The following TNFAIP8L1 variants were observed in gnomAD, a reference collection of about 807,000 sequenced individuals.
TNFAIP8L1 encodes tumor necrosis factor alpha-induced protein 8-like protein 1.
For missense variants in TNFAIP8L1, 225 were observed against 266.1 expected (o/e 0.85, Z 1.08); for synonymous variants, 127 against 125.6 (o/e 1.01, Z -0.08).
chr19:4,643,325 G>C (rs1398629415), intron 1 of TNFAIP8L1, among the ~76,000 whole-genome samples: 1 of 151,998 alleles, frequency 6.6e-6, no homozygotes, highest in Non-Finnish European at 1.5e-5. Flanking sequence ...TTAGGGGCTG[G>C]ATGCACCTCC....
At position 4,654,666 on chromosome 19, in the gene TNFAIP8L1, T is replaced by C. The variant is rs773060112; in HGVS notation, c.*2236T>C. On this transcript the variant is annotated 3_prime_UTR_variant, in exon 2 of 2. Coordinates refer to ENST00000327473, the MANE Select transcript of TNFAIP8L1 (RefSeq NM_152362.3). Reference sequence around the variant, plus strand: ...GAATCAGCAACCAACCAGCCAACCATGTTGCTTTTATAAGACAGAGCTGAG... The same window carrying C: ...GAATCAGCAACCAACCAGCCAACCACGTTGCTTTTATAAGACAGAGCTGAG... The C allele has an allele frequency of 3.9e-5, 6 of 152,174 alleles. No individual in the cohort carries two copies. The highest frequency in any genetic ancestry group is 7.3e-5 in the Non-Finnish European group (5 of 68,032). 9.4% of individuals were successfully genotyped at this position (152,174 alleles called of 1,614,324 possible). A position where few individuals can be genotyped will look rare whatever the true frequency, so the allele number is the denominator to read the frequency against.
rs1380814446 is a variant in TNFAIP8L1, at chr19:4,654,785, CTA to C, written c.*2357_*2358del. Reference sequence around the variant, plus strand: ...GCGTGGAGGCGTGGTGTGGGGGAGTCTATTTGCCATTTTTGTTTGTCAGCAGG... The same window carrying C: ...GCGTGGAGGCGTGGTGTGGGGGAGTCTTTGCCATTTTTGTTTGTCAGCAGG... On this transcript the variant is annotated 3_prime_UTR_variant, in exon 2 of 2. Transcript: ENST00000327473. 6.6e-6 allele frequency: 1 copy of C among 152,122 alleles called. No individual in the cohort carries two copies. The highest frequency in any genetic ancestry group is 1.5e-5 in the Non-Finnish European group (1 of 68,032). The allele number at this position is 152,122 out of a possible 1,614,324, so 9.4% of individuals were successfully genotyped here.
Position 4,645,127 on chromosome 19 carries a change from CAG to C in TNFAIP8L1, c.-4+5499_-4+5500del, listed in dbSNP as rs200101492. Among the ~76,000 whole-genome samples the C allele has an allele frequency of 5.9e-3, 898 of 152,316 alleles. 8 individuals carry two copies. The highest frequency in any genetic ancestry group is 0.021 in the African/African-American group (860 of 41,574). On this transcript the variant is annotated intron_variant, in intron 1 of 1. Transcript: ENST00000327473. This position sits in a 1 kb window ranked among gnomAD's most constrained non-coding sequence, Gnocchi z 4.1. ...TGAGGTGCATGAAGAATTCATGGGA[CAG>C]GGGTGGGGACGGCAGGGACTTGTGA... is the stretch of plus-strand genomic sequence containing the variant.
chr19:4,642,929 G>A (rs1176687832), intron 1 of TNFAIP8L1, among the ~76,000 whole-genome samples: 2 of 152,094 alleles, frequency 1.3e-5, no homozygotes, highest in East Asian at 3.8e-4. Flanking sequence ...GGGGGGCATG[G>A]GGATAGATGG....
chr19:4,647,795 A>C (rs1210441389), intron 1 of TNFAIP8L1, among the ~76,000 whole-genome samples: 1 of 151,458 alleles, frequency 6.6e-6, no homozygotes, highest in East Asian at 1.9e-4. Context: ...GCTAATTAAA[A>C]AAAATTTTTT....
At position 4,655,356 on chromosome 19, in the gene TNFAIP8L1, A is replaced by G. The variant is rs987866709; in HGVS notation, c.*2926A>G. On this transcript the variant is annotated 3_prime_UTR_variant, in exon 2 of 2. Transcript: ENST00000327473. ...AACCTTCTCCACTTATCTTAGGCCG[A>G]GAGACAGCTCTTCAAGAACGTACAT... The G allele has an allele frequency of 6.6e-6, 1 of 152,258 alleles. No homozygotes were observed. Among genetic ancestry groups the G allele is most frequent in the African/African-American group, 2.4e-5 (1 of 41,470 alleles). 9.4% of individuals were successfully genotyped at this position (152,258 alleles called of 1,614,324 possible).
intron 1 of TNFAIP8L1, among the ~76,000 whole-genome samples, chr19:4,646,685 C>T (rs975800137): frequency 6.6e-6 from 1 of 151,284 alleles, no homozygotes; most frequent in African/African-American, 2.4e-5. Context: ...GGCTGGAGTA[C>T]AGTGACGTGA....
At chr19:4,649,041 T>C (rs1221115993) in intron 1 of TNFAIP8L1, among the ~76,000 whole-genome samples, 1 of 151,326 alleles carries the variant, frequency 6.6e-6, no homozygotes, top group African/African-American at 2.4e-5. Context: ...GCGATTCTCC[T>C]GTCTCAGCCC....
intron 1 of TNFAIP8L1, among the ~76,000 whole-genome samples, chr19:4,647,472 C>A (rs1314033694): frequency 3.3e-5 from 5 of 151,996 alleles, no homozygotes; most frequent in Admixed American, 6.6e-5. Flanking sequence ...CCATGCCCAG[C>A]TAATTTTTTT....
chr19:4,651,980 G>T lies in TNFAIP8L1; in HGVS notation c.111G>T (p.Glu37Asp), dbSNP rs141452662. 1.2e-6 allele frequency: 2 copies of T among 1,614,030 alleles called. No individual in the cohort carries two copies. Among genetic ancestry groups the T allele is most frequent in the Non-Finnish European group, 1.7e-6 (2 of 1,180,030 alleles). Residue 37 changes from glutamate (E) to aspartate (D), a missense_variant, in exon 2 of 2, where the codon GAG (glutamate) becomes GAT (aspartate). Glu to Asp is a conservative substitution (Grantham distance 45). Transcript: ENST00000327473. ...TGCTGGTGGATGACACCAGCAGTGA[G>T]GTGCTGGATGAGCTGTACCGCGCCA... ...VAVLVDDTSS[E>D]VLDELYRATR...
chr19:4,648,043 C>T (rs2145169972), intron 1 of TNFAIP8L1, among the ~76,000 whole-genome samples: 1 of 152,330 alleles, frequency 6.6e-6, no homozygotes, highest in Admixed American at 6.5e-5. Context: ...GTGGTCTCTT[C>T]TGCAAAGCAG....
intron 1 of TNFAIP8L1, among the ~76,000 whole-genome samples, chr19:4,650,335 C>T (rs974222152): frequency 1.1e-4 from 16 of 151,832 alleles, no homozygotes; most frequent in African/African-American, 3.9e-4. Context: ...TAGGAGTTCA[C>T]CAGGGAGGAG....
intron 1 of TNFAIP8L1, chr19:4,642,082 G>C (rs1417554388): frequency 6.6e-6 from 1 of 152,282 alleles, no homozygotes; most frequent in Non-Finnish European, 1.5e-5. Flanking sequence ...GGAGGCTGAG[G>C]TGGGAGGATC....
In TNFAIP8L1 at chr19:4,641,258, C is replaced by T. The variant is rs1446910839; in HGVS notation, c.-4+1629C>T. The T allele has an allele frequency of 1.3e-5, 2 of 152,344 alleles. No individual in the cohort carries two copies. Among genetic ancestry groups the T allele is most frequent in the South Asian group, 2.1e-4 (1 of 4,828 alleles). 9.4% of individuals were successfully genotyped at this position (152,344 alleles called of 1,614,324 possible). A position where few individuals can be genotyped will look rare whatever the true frequency, so the allele number is the denominator to read the frequency against. On this transcript the variant is annotated intron_variant, in intron 1 of 1. Coordinates refer to ENST00000327473, the MANE Select transcript of TNFAIP8L1 (RefSeq NM_152362.3). The surrounding 1 kb of genome is among the most constrained non-coding windows in gnomAD (Gnocchi z 4.6). ...TCAGTATGGTGGGTTCCGGAGGCCT[C>T]AGTGTCCCTGTCTGTCCAATGGGGC...
At chr19:4,646,762 C>G (rs2088315119) in intron 1 of TNFAIP8L1, among the ~76,000 whole-genome samples, 1 of 152,078 alleles carries the variant, frequency 6.6e-6, no homozygotes, top group Non-Finnish European at 1.5e-5. Flanking sequence ...TCCCGAGTAG[C>G]CAGGATTACA....
chr19:4,651,636 T>C (rs922643804), intron 1 of TNFAIP8L1, among the ~76,000 whole-genome samples: 1 of 151,004 alleles, frequency 6.6e-6, no homozygotes, highest in Non-Finnish European at 1.5e-5. Flanking sequence ...AAACATGGGT[T>C]TCACCATGTT....
Position 4,652,080 on chromosome 19 carries a change from G to GGAC in TNFAIP8L1, c.212_214dup (p.Gly71_Leu72insArg). 2 of 1,607,492 alleles carry GGAC rather than the reference G, an allele frequency of 1.2e-6. No individual in the cohort carries two copies. Among genetic ancestry groups the GGAC allele is most frequent in the Non-Finnish European group, 1.7e-6 (2 of 1,177,020 alleles). ...CCTGGTCAAGGTGGCCCTGAAGCTG[G>GGAC]GACTGCTGCTGCGTGGGGACCAGCT... On this transcript the variant is annotated inframe_insertion, in exon 2 of 2. Coordinates refer to ENST00000327473, the MANE Select transcript of TNFAIP8L1 (RefSeq NM_152362.3).
chr19:4,651,784 C>CT (rs1269176401), intron 1 of TNFAIP8L1, 83 bp from the exon 2 acceptor site: 4 of 1,435,728 alleles, frequency 2.8e-6, no homozygotes, highest in East Asian at 2.3e-5. Flanking sequence ...GTTAGGCCCT[C>CT]TGGGGTCTGT....
intron 1 of TNFAIP8L1, among the ~76,000 whole-genome samples, chr19:4,650,066 C>T (rs775230229): frequency 1.3e-5 from 2 of 152,194 alleles, no homozygotes; most frequent in Non-Finnish European, 2.9e-5. Flanking sequence ...GCCAGTTCTT[C>T]CACACTCCCC....
Sources: gnomAD v4.1 joint callset for allele counts (sites outside exome capture counted in the v4.1 genomes callset) on GRCh38, gnomAD v4.1.1 for gene constraint, Gnocchi (gnomAD v3.1) non-coding constraint, MANE v1.5 for transcripts, NCBI Gene and HGNC (gene_info 2026-07-23, HGNC 2026-07-21) for gene names.